The following PCSK5 variants were observed in gnomAD, a reference collection of about 807,000 sequenced individuals.
PCSK5 encodes the protein prohormone convertase 5.
In PCSK5, 129 loss-of-function variants were observed where a neutral mutation model predicts 233.2. The ratio of observed to expected loss-of-function variants is 0.55; its 90% CI spans 0.48 to 0.64. The LOEUF (loss-of-function observed/expected upper bound fraction) is 0.64. Ranked by LOEUF, PCSK5 falls within the 30% of genes least tolerant of loss-of-function variation. The probability of loss-of-function intolerance (pLI) is 0.00; values close to 1 mark genes in which losing one functional copy is unlikely to be tolerated. For synonymous variants in PCSK5, 825 were observed against 879.2 expected (o/e 0.94, Z 1.09); for missense variants, 2,076 against 2,430.1 (o/e 0.85, Z 3.06).
intron 14 of PCSK5, among the ~76,000 whole-genome samples, chr9:76,177,432 A>G (rs1289506738): frequency 6.6e-6 from 1 of 152,262 alleles, no homozygotes; most frequent in East Asian, 1.9e-4. Context: ...CCACCTGAAC[A>G]GAGTATCTTA....
At chr9:76,308,158 C>A (rs897577366) in intron 28 of PCSK5, among the ~76,000 whole-genome samples, 1 of 152,158 alleles carries the variant, frequency 6.6e-6, no homozygotes, top group Non-Finnish European at 1.5e-5. Context: ...GATCACACCA[C>A]CACACTCCAG....
intron 3 of PCSK5, among the ~76,000 whole-genome samples, chr9:76,018,022 T>C (rs1486555245): frequency 8.6e-5 from 3 of 34,798 alleles, no homozygotes; most frequent in African/African-American, 2.2e-4. Context: ...AAAAAAAATG[T>C]GTGAGGGAGT....
chr9:76,050,719 C>A (rs1184860131), intron 5 of PCSK5, among the ~76,000 whole-genome samples: 1 of 152,122 alleles, frequency 6.6e-6, no homozygotes, highest in African/African-American at 2.4e-5. Flanking sequence ...TTGCAATGCC[C>A]CTGTCAGTGG....
At chr9:76,219,183 G>A (rs1265267439) in intron 20 of PCSK5, among the ~76,000 whole-genome samples, 1 of 152,174 alleles carries the variant, frequency 6.6e-6, no homozygotes, top group Non-Finnish European at 1.5e-5. Context: ...TGGCTAAAAT[G>A]TTTGAGCACT....
At chr9:76,159,313 T>C in intron 12 of PCSK5, 142 bp downstream of exon 12, 1 of 682,486 alleles carries the variant, frequency 1.5e-6, no homozygotes, top group Non-Finnish European at 2.4e-6. Context: ...TCACTGCTCA[T>C]AAGTAGAGAG....
intron 1 of PCSK5, among the ~76,000 whole-genome samples, chr9:75,918,941 G>A (rs945801966): frequency 2.6e-5 from 4 of 152,010 alleles, no homozygotes; most frequent in African/African-American, 9.7e-5. Flanking sequence ...TGATGACAGG[G>A]CTTTTCTCTG....
At position 76,263,789 on chromosome 9, in the gene PCSK5, GA is replaced by G. The variant is rs904001097; in HGVS notation, c.3142+23115del. On this transcript the variant is annotated intron_variant, in intron 24 of 37. Transcript: ENST00000674117. ...AACTTAAAGTATAATAATAATAAAA[GA>G]AAAAAAAAAGAAATCAGAGATGACA... is the stretch of plus-strand genomic sequence containing the variant. 7.2e-3 allele frequency among the ~76,000 whole-genome samples: 1,031 copies of G among 142,878 alleles called. 2 individuals are homozygous for G. The highest frequency in any genetic ancestry group is 7.7e-3 in the Non-Finnish European group (498 of 64,708). 93.7% of individuals were successfully genotyped at this position (142,878 alleles called of 152,430 possible).
At chr9:76,254,226 G>C (rs962112025) in intron 24 of PCSK5, among the ~76,000 whole-genome samples, 3 of 152,214 alleles carry the variant, frequency 2.0e-5, no homozygotes, top group Non-Finnish European at 4.4e-5. Context: ...GCAGAAAAGA[G>C]AGAAAATAAT....
chr9:76,358,389 T>C (rs1587377362), intron 37 of PCSK5, 124 bp from the exon 38 acceptor site: 4 of 705,142 alleles, frequency 5.7e-6, no homozygotes, highest in South Asian at 2.1e-5. Context: ...TCAGAGACAG[T>C]GATTCTACCA....
Position 76,359,085 on chromosome 9 carries a change from T to C in PCSK5, c.*163T>C, listed in dbSNP as rs1830377475. 9 of 610,380 alleles carry C rather than the reference T, an allele frequency of 1.5e-5. No homozygotes were observed. The highest frequency in any genetic ancestry group is 2.3e-5 in the Non-Finnish European group (8 of 349,066). 37.8% of individuals were successfully genotyped at this position (610,380 alleles called of 1,614,324 possible). A position where few individuals can be genotyped will look rare whatever the true frequency, so the allele number is the denominator to read the frequency against. ...TATGTAAGAATGATGAAATACTTTG[T>C]TCTTCTTTTGAGTGGCTAAACTCAA... is the stretch of plus-strand genomic sequence containing the variant. On this transcript the variant is annotated 3_prime_UTR_variant, in exon 38 of 38. Coordinates refer to ENST00000674117, the MANE Select transcript of PCSK5 (RefSeq NM_001372043.1).
intron 5 of PCSK5, among the ~76,000 whole-genome samples, chr9:76,035,646 G>C (rs1297023028): frequency 6.6e-6 from 1 of 152,078 alleles, no homozygotes; most frequent in Non-Finnish European, 1.5e-5. Context: ...GGCCTTTACA[G>C]CAGATGGAAA....
chr9:76,093,493 T>C (rs1220179547), intron 7 of PCSK5, among the ~76,000 whole-genome samples: 1 of 152,136 alleles, frequency 6.6e-6, no homozygotes, highest in Non-Finnish European at 1.5e-5. Context: ...TTTTATTAAA[T>C]ATTCTTTAAA....
At chr9:75,892,435 C>T (rs961301297) in intron 1 of PCSK5, among the ~76,000 whole-genome samples, 2 of 152,180 alleles carry the variant, frequency 1.3e-5, no homozygotes, top group Non-Finnish European at 2.9e-5. Context: ...TTGGGGTTGG[C>T]CGGAGGGGCG....
In PCSK5 at chr9:76,350,888, G is replaced by A; in HGVS notation, c.5027G>A (p.Cys1676Tyr). 6.2e-7 allele frequency: 1 copy of A among 1,609,030 alleles called. No homozygotes were observed. Among genetic ancestry groups the A allele is most frequent in the Non-Finnish European group, 8.5e-7 (1 of 1,176,900 alleles). Residue 1676 changes from cysteine (C) to tyrosine (Y), a missense_variant, in exon 36 of 38, where the codon TGC becomes TAC. Cys to Tyr is a radical substitution (Grantham distance 194). Transcript: ENST00000674117. ...AGTTACCACCTCATGGGAGGGATCT[G>A]CACCTCGGACTGTCTTGTGGGGGAA... ...VWSYHLMGGICTSDCLVGEYR... is the reference protein window; with the variant it reads ...VWSYHLMGGIYTSDCLVGEYR...
At chr9:76,223,709 C>T (rs1487534186) in intron 20 of PCSK5, among the ~76,000 whole-genome samples, 1 of 152,088 alleles carries the variant, frequency 6.6e-6, no homozygotes, top group East Asian at 1.9e-4. Context: ...GAAAGAAGAG[C>T]TTGTAGGATG....
chr9:76,284,360 G>A (rs1827986369), intron 24 of PCSK5, among the ~76,000 whole-genome samples: 1 of 152,044 alleles, frequency 6.6e-6, no homozygotes, highest in African/African-American at 2.4e-5. Flanking sequence ...TCATGATAGT[G>A]AATAAGTTTC....
intron 2 of PCSK5, among the ~76,000 whole-genome samples, chr9:75,950,985 A>C (rs1185420190): frequency 6.6e-6 from 1 of 152,180 alleles, no homozygotes; most frequent in Non-Finnish European, 1.5e-5. Flanking sequence ...CCATTGAAAG[A>C]TTTGTAGATT....
intron 27 of PCSK5, among the ~76,000 whole-genome samples, chr9:76,301,872 G>A (rs925638138): frequency 6.6e-6 from 1 of 152,016 alleles, no homozygotes; most frequent in Non-Finnish European, 1.5e-5. Flanking sequence ...TACAAGGAAT[G>A]CTAATGACAA....
intron 9 of PCSK5, among the ~76,000 whole-genome samples, chr9:76,118,988 CT>C (rs946913062): frequency 4.0e-5 from 6 of 151,586 alleles, no homozygotes; most frequent in African/African-American, 7.2e-5. Context: ...TTAAACCAAC[CT>C]TTTTTTTAAC....
Sources: gnomAD v4.1 joint callset for allele counts (sites outside exome capture counted in the v4.1 genomes callset) on GRCh38, gnomAD v4.1.1 for gene constraint, MANE v1.5 for transcripts, NCBI Gene and HGNC (gene_info 2026-07-23, HGNC 2026-07-21) for gene names.